The following TJP1 variants were observed in gnomAD, a reference collection of about 807,000 sequenced individuals.
The protein encoded by TJP1 is tight junction protein 1.
In TJP1, 43 loss-of-function variants were observed where a neutral mutation model predicts 194.2. The observed-to-expected ratio is 0.22, with a 90% CI of 0.17 to 0.29. The LOEUF (loss-of-function observed/expected upper bound fraction) is 0.29, where lower values mean the gene tolerates loss of function less well. Among genes scored for constraint, TJP1 ranks in the 10% least tolerant of loss-of-function variants. The pLI, the probability that TJP1 is intolerant of heterozygous loss-of-function variation, is 1.00. For missense variants in TJP1, 1,971 were observed against 2,185.7 expected, an observed-to-expected ratio of 0.90 and a Z score of 1.96; for synonymous variants, 801 against 779.0, an observed-to-expected ratio of 1.03 and a Z score of -0.47.
chr15:29,766,208 A>G, intron 5 of TJP1, 58 bp downstream of exon 5: 1 of 1,564,164 alleles, frequency 6.4e-7, no homozygotes, highest in Non-Finnish European at 8.6e-7. Context: ...TGTACTTCTC[A>G]TTAAAATTAG....
chr15:29,809,254 TTTACC>T (rs772526468), intron 1 of TJP1, among the ~76,000 whole-genome samples: 2 of 152,206 alleles, frequency 1.3e-5, no homozygotes, highest in Non-Finnish European at 2.9e-5. Context: ...GAAAATTAAT[TTTACC>T]TTAAAGTTTT....
chr15:29,931,800 G>A (rs1368813373), intron 2 of TJP1, among the ~76,000 whole-genome samples: 1 of 152,208 alleles, frequency 6.6e-6, no homozygotes, highest in African/African-American at 2.4e-5. Context: ...AGGAATAAAA[G>A]AACGGCTACT....
rs566875459 is a variant in TJP1, at chr15:29,959,003, T to C, written c.174-2639A>G. On this transcript the variant is annotated intron_variant, in intron 1 of 28. Coordinates refer to the TJP1 transcript ENST00000356107. Reference sequence around the variant, plus strand: ...GTAGCTAGTTTTTTTTTTTTGTTTTTTTTTGAGTCGGAGTCTCGCTGTGCC... The same window carrying C: ...GTAGCTAGTTTTTTTTTTTTGTTTTCTTTTGAGTCGGAGTCTCGCTGTGCC... Among the ~76,000 whole-genome samples the C allele has an allele frequency of 1.2e-3, 180 of 152,142 alleles. 1 individual carries two copies. The Middle Eastern group carries it at 0.02, about 17-fold the overall frequency.
chr15:29,845,722 T>A (rs779132369), intron 2 of TJP1, among the ~76,000 whole-genome samples: 1 of 152,106 alleles, frequency 6.6e-6, no homozygotes, highest in Non-Finnish European at 1.5e-5. Context: ...GAGAATGGCG[T>A]GAAACCGGGA....
chr15:29,720,155 G>GA, intron 19 of TJP1, 139 bp from the exon 20 acceptor site: 2 of 1,271,000 alleles, frequency 1.6e-6, no homozygotes, highest in Non-Finnish European at 2.1e-6. Context: ...AAACTTTTTG[G>GA]GAAAAAAAAA....
intron 2 of TJP1, among the ~76,000 whole-genome samples, chr15:29,849,740 C>T (rs1364027056): frequency 1.4e-5 from 2 of 140,410 alleles, no homozygotes; most frequent in Admixed American, 7.3e-5. Context: ...GAGAGGACTC[C>T]GTCTCAAAAA....
At chr15:29,842,013 A>G (rs1360219260) in intron 2 of TJP1, among the ~76,000 whole-genome samples, 2 of 152,202 alleles carry the variant, frequency 1.3e-5, no homozygotes, top group Non-Finnish European at 2.9e-5. Context: ...GTAAACGCTG[A>G]CGGGGATACC....
chr15:29,917,574 A>G (rs1208027757), intron 2 of TJP1, among the ~76,000 whole-genome samples: 1 of 152,194 alleles, frequency 6.6e-6, no homozygotes, highest in Non-Finnish European at 1.5e-5. Context: ...CCACACAGAA[A>G]CAAATTTGCT....
chr15:29,751,289 A>C (rs556352048), intron 8 of TJP1, among the ~76,000 whole-genome samples: 6 of 152,372 alleles, frequency 3.9e-5, no homozygotes, highest in African/African-American at 1.4e-4. Context: ...CTAATTTCTC[A>C]CAATGTAAAT....
intron 8 of TJP1, among the ~76,000 whole-genome samples, chr15:29,757,046 G>A (rs762409333): frequency 1.2e-4 from 18 of 152,178 alleles, no homozygotes; most frequent in South Asian, 4.2e-4. Context: ...ATTCTGTAAC[G>A]TATGACCTGC....
intron 2 of TJP1, among the ~76,000 whole-genome samples, chr15:29,834,751 G>A (rs569687452): frequency 1.3e-5 from 2 of 152,298 alleles, no homozygotes; most frequent in Admixed American, 1.3e-4. Context: ...TTGCAGCTGA[G>A]CTTCAAGTGC....
chr15:29,737,272 T>A lies in TJP1; in HGVS notation c.1399A>T (p.Ile467Phe). 2 of 1,614,042 alleles carry A rather than the reference T, an allele frequency of 1.2e-6. No homozygotes were observed. Among genetic ancestry groups the A allele is most frequent in the Non-Finnish European group, 1.7e-6 (2 of 1,179,940 alleles). ...TTGCAATACTGACATACCCTGAGAA[T>A]TTGATCACCTTCCTCTAAGCCTTCC... ...AKEGLEEGDQILRVNNVDFTN... is the reference protein window; with the variant it reads ...AKEGLEEGDQFLRVNNVDFTN... Residue 467 changes from isoleucine to phenylalanine, a missense_variant, in exon 11 of 28, where the codon ATT (isoleucine) becomes TTT (phenylalanine). Physicochemically the swap from Ile to Phe is conservative, Grantham distance 21. Coordinates refer to ENST00000614355, the MANE Select transcript of TJP1 (RefSeq NM_001330239.4).
At chr15:29,708,234 G>C (rs770198518) in intron 25 of TJP1, among the ~76,000 whole-genome samples, 4 of 150,874 alleles carry the variant, frequency 2.7e-5, no homozygotes, top group African/African-American at 7.3e-5. Context: ...CTCAGAGGTC[G>C]GATGACCAGC....
intron 2 of TJP1, among the ~76,000 whole-genome samples, chr15:29,925,478 G>C (rs969157071): frequency 7.9e-5 from 12 of 152,146 alleles, no homozygotes; most frequent in African/African-American, 2.9e-4. Flanking sequence ...TCTTCTCCTG[G>C]TTACTCAAGA....
intron 1 of TJP1, among the ~76,000 whole-genome samples, chr15:29,968,509 TGCGCCCCGCGCGGC>T (rs1236225137): frequency 2.0e-5 from 3 of 150,174 alleles, no homozygotes; most frequent in South Asian, 2.1e-4. Flanking sequence ...CCTTGGCTGC[TGCGCCCCGCGCGGC>T]GCGCCCCGCG....
At chr15:29,737,894 C>G (rs2044141714) in intron 10 of TJP1, among the ~76,000 whole-genome samples, 1 of 152,090 alleles carries the variant, frequency 6.6e-6, no homozygotes, top group South Asian at 2.1e-4. Context: ...CTACATGTAA[C>G]AGAGAGTGAT....
In TJP1 at chr15:29,739,994, C is replaced by CT. The variant is rs879305419; in HGVS notation, c.1256+1336dup. 9.1e-3 allele frequency among the ~76,000 whole-genome samples: 1,333 copies of CT among 146,610 alleles called. 60 individuals carry two copies. The highest frequency in any genetic ancestry group is 0.074 in the Admixed American group (1,087 of 14,742). On this transcript the variant is annotated intron_variant, in intron 10 of 27. Coordinates refer to ENST00000614355, the MANE Select transcript of TJP1 (RefSeq NM_001330239.4). ...CCACTTGAGGAAATCTGCCAATTTT[C>CT]TTTTTTTTTTTGAGACGGAGTCTCG...
intron 1 of TJP1, chr15:29,821,461 C>CTTG: frequency 6.6e-6 from 1 of 152,322 alleles, no homozygotes; most frequent in South Asian, 2.1e-4. Flanking sequence ...CCTACTACGC[C>CTTG]TCACAGGCTG....
chr15:29,761,191 A>C lies in TJP1; in HGVS notation c.958T>G (p.Ser320Ala). Residue 320 changes from serine to alanine, a missense_variant, in exon 8 of 28, where the codon TCA (serine) becomes GCA (alanine). By Grantham distance (99) the Ser-to-Ala change is moderately conservative. Around this residue, in one of 5 missense-constraint regions of TJP1, gnomAD observed 192 missense variants for 182.3 expected, o/e 1.05. Coordinates refer to ENST00000614355, the MANE Select transcript of TJP1 (RefSeq NM_001330239.4). ...RSRSRSPDQR[S>A]EPSDHSRHSP... ...TGCCTGGAATGATCAGAAGGCTCTG[A>C]CCGCTGGTCAGGAGATCGTGACCGG... 1 of 1,613,992 alleles carries C rather than the reference A, an allele frequency of 6.2e-7. No individual in the cohort carries two copies. The highest frequency in any genetic ancestry group is 8.5e-7 in the Non-Finnish European group (1 of 1,179,966).
Sources: gnomAD v4.1 joint callset for allele counts (sites outside exome capture counted in the v4.1 genomes callset) on GRCh38, gnomAD v4.1.1 for gene constraint, gnomAD v4.1.1 regional missense constraint, MANE v1.5 for transcripts, NCBI Gene and HGNC (gene_info 2026-07-23, HGNC 2026-07-21) for gene names.